Variants in GALR1 observed in about 807,000 individuals in gnomAD.
GALR1 encodes the protein galanin receptor 1, also known as galanin receptor type 1.
Under a neutral mutation model 17.9 loss-of-function variants are expected in GALR1, and 11 were observed. The observed-to-expected ratio is 0.62, with a 90% CI of 0.39 to 1.02. The LOEUF is 1.02. GALR1 is among the 50% of genes least tolerant of loss of function. GALR1 has a pLI of 0.01. For synonymous variants in GALR1, 206 were observed against 205.7 expected (o/e 1.00, Z -0.01); for missense variants, 441 against 456.9 (o/e 0.97, Z 0.32).
chr18:77,258,842 A>G (rs145793008), intron 2 of GALR1, among the ~76,000 whole-genome samples: 90 of 4,122 alleles, frequency 0.022, 4 homozygotes, highest in African/African-American at 0.054. Flanking sequence ...GATGGTGGTG[A>G]TGGTGGTGGT....
chr18:77,258,698 GGTCATGTGAT>G (rs1912677511), intron 2 of GALR1, among the ~76,000 whole-genome samples: 1 of 12,624 alleles, frequency 7.9e-5, no homozygotes, highest in Non-Finnish European at 2.2e-4. Context: ...TGGTGGTGGT[GGTCATGTGAT>G]GGTGGTGCTG....
rs1294599561 is a variant in GALR1, at chr18:77,272,173, C to T, written c.*3271C>T. 11 of 152,178 alleles carry T rather than the reference C, an allele frequency of 7.2e-5. No homozygotes were observed. Among genetic ancestry groups the T allele is most frequent in the Admixed American group, 7.2e-4 (11 of 15,278 alleles). 9.4% of individuals were successfully genotyped at this position (152,178 alleles called of 1,614,324 possible). ...CCACAGATAAATTCATCTTTCAGCGCAGATATAACAAATCAGAGTGGGGAG... is the reference window on the plus strand; with the variant it reads ...CCACAGATAAATTCATCTTTCAGCGTAGATATAACAAATCAGAGTGGGGAG... On this transcript the variant is annotated 3_prime_UTR_variant, in exon 3 of 3. Transcript: ENST00000299727.
rs1326089813 is a variant in GALR1 at position 77,249,958 on chromosome 18, A to G, written c.-591A>G. Among the ~76,000 whole-genome samples, 1 of 152,186 alleles carries G rather than the reference A, an allele frequency of 6.6e-6. No homozygotes were observed. On this transcript the variant is annotated 5_prime_UTR_variant, in exon 1 of 3. Transcript: ENST00000299727. ...TGTGGACGACTCGGAATCCCTGGAA[A>G]AGCCGGGAGGGAGTCGGAGGCGCCA...
At chr18:77,252,836 G>A (rs1912450533) in intron 1 of GALR1, among the ~76,000 whole-genome samples, 1 of 126,140 alleles carries the variant, frequency 7.9e-6, no homozygotes, top group Admixed American at 8.5e-5. Flanking sequence ...TGACAACGGA[G>A]CGAGACTCTG....
intron 2 of GALR1, among the ~76,000 whole-genome samples, chr18:77,256,496 G>A (rs1912593426): frequency 1.1e-5 from 1 of 92,862 alleles, no homozygotes; most frequent in Non-Finnish European, 2.4e-5. Context: ...GCCTCACCAG[G>A]AGGTGAGTGC....
In GALR1 at chr18:77,251,175, C is replaced by T. The variant is rs571015104; in HGVS notation, c.627C>T (p.Tyr209=). Reference sequence around the variant, plus strand: ...TGGTGTGCACCTTCGTCTTCGGCTACCTGCTGCCGCTCCTGCTCATCTGCT... The same window carrying T: ...TGGTGTGCACCTTCGTCTTCGGCTATCTGCTGCCGCTCCTGCTCATCTGCT... ...AYVVCTFVFG[Y]LLPLLLICFC... is the part of the protein sequence containing the mutation. Residue 209 remains tyrosine (Y), a synonymous_variant, in exon 1 of 3, where the codon TAC becomes TAT. Coordinates refer to ENST00000299727, the MANE Select transcript of GALR1 (RefSeq NM_001480.4). 13 of 1,610,224 alleles carry T rather than the reference C, an allele frequency of 8.1e-6. No individual in the cohort carries two copies. Among genetic ancestry groups the T allele is most frequent in the East Asian group, 6.7e-5 (3 of 44,736 alleles).
chr18:77,255,170 G>A (rs896636234), intron 1 of GALR1, among the ~76,000 whole-genome samples: 14 of 152,232 alleles, frequency 9.2e-5, no homozygotes, highest in Non-Finnish European at 1.8e-4. Flanking sequence ...AAAGCACTTA[G>A]TCGCCCTGGG....
chr18:77,251,083 CCG>C lies in GALR1; in HGVS notation c.541_542del (p.Ala181GlnfsTer44), dbSNP rs1568376863. 1.2e-6 allele frequency: 2 copies of C among 1,610,836 alleles called. No individual in the cohort carries two copies. The highest frequency in any genetic ancestry group is 2.7e-5 in the African/African-American group (2 of 75,066). On this transcript the variant is annotated frameshift_variant, in exon 1 of 3. Transcript: ENST00000299727. LOFTEE classifies it high-confidence loss of function. ...PVAYHQGLFH[P>X]RASNQTFCWE... ...GGCCTACCACCAGGGCCTCTTCCAC[CCG>C]CGCGCCAGCAACCAGACCTTCTGCT...
chr18:77,258,626 G>GATGGTGGTGATGGTGGTGGTC (rs1568141294), intron 2 of GALR1, among the ~76,000 whole-genome samples: 5 of 128,626 alleles, frequency 3.9e-5, no homozygotes, highest in Non-Finnish European at 6.7e-5. Flanking sequence ...TGGTGGTGGT[G>GATGGTGGTGATGGTGGTGGTC]ATGGTGGTGA....
intron 2 of GALR1, among the ~76,000 whole-genome samples, chr18:77,260,458 G>A (rs970319448): frequency 3.3e-5 from 5 of 152,286 alleles, no homozygotes; most frequent in Admixed American, 2.6e-4. Context: ...ATCCCATTAT[G>A]AGGGCTCCCC....
At chr18:77,252,929 C>CCACCACCATCACCACCAT (rs1912478073) in intron 1 of GALR1, among the ~76,000 whole-genome samples, 3 of 34,492 alleles carry the variant, frequency 8.7e-5, no homozygotes, top group Non-Finnish European at 2.1e-4. Flanking sequence ...ACCATCACCA[C>CCACCACCATCACCACCAT]CACCACCACC....
At position 77,268,670 on chromosome 18, in the gene GALR1, G is replaced by A; in HGVS notation, c.818G>A (p.Gly273Glu). ...HHIIHLWAEF[G>E]VFPLTPASFL... is the part of the protein sequence containing the mutation. Reference sequence around the variant, plus strand: ...ATCATCCATCTCTGGGCTGAGTTTGGAGTTTTCCCGCTGACGCCGGCTTCC... The same window carrying A: ...ATCATCCATCTCTGGGCTGAGTTTGAAGTTTTCCCGCTGACGCCGGCTTCC... Residue 273 changes from glycine (G) to glutamate (E), a missense_variant, in exon 3 of 3, where the codon GGA becomes GAA. Gly to Glu is a moderately conservative substitution (Grantham distance 98). Transcript: ENST00000299727. 6.2e-7 allele frequency: 1 copy of A among 1,614,088 alleles called. No homozygotes were observed. Among genetic ancestry groups the A allele is most frequent in the Non-Finnish European group, 8.5e-7 (1 of 1,180,008 alleles).
Position 77,273,888 on chromosome 18 carries a change from G to A in GALR1, c.*4986G>A, listed in dbSNP as rs1278623962. The A allele has an allele frequency of 6.6e-6, 1 of 152,064 alleles. No individual in the cohort carries two copies. Among genetic ancestry groups the A allele is most frequent in the Admixed American group, 6.6e-5 (1 of 15,266 alleles). 9.4% of individuals were successfully genotyped at this position (152,064 alleles called of 1,614,324 possible). The stretch of plus-strand genomic sequence containing the variant: ...CAAGTTGTGTAGCTCCAAATTCTCC[G>A]CAATTAGAGAAGGCACAGTAAAGAA... On this transcript the variant is annotated 3_prime_UTR_variant, in exon 3 of 3. Transcript: ENST00000299727.
chr18:77,256,485 C>T (rs920904059), intron 2 of GALR1, among the ~76,000 whole-genome samples: 5 of 114,216 alleles, frequency 4.4e-5, no homozygotes, highest in Non-Finnish European at 7.6e-5. Context: ...GCTGATTGTG[C>T]GCCTCACCAG....
rs1913143328 is a variant in GALR1 at position 77,275,747 on chromosome 18, A to C, written c.*6845A>C. 1 of 152,216 alleles carries C rather than the reference A, an allele frequency of 6.6e-6. No homozygotes were observed. The highest frequency in any genetic ancestry group is 1.5e-5 in the Non-Finnish European group (1 of 68,034). The allele number at this position is 152,216 out of a possible 1,614,324, so 9.4% of individuals were successfully genotyped here. A position where few individuals can be genotyped will look rare whatever the true frequency, so the allele number is the denominator to read the frequency against. ...TCAGGATCACCTAGCTTTGACGATGAGAGTGTTTTTTAAAACGGAAACCAT... is the reference window on the plus strand; with the variant it reads ...TCAGGATCACCTAGCTTTGACGATGCGAGTGTTTTTTAAAACGGAAACCAT... On this transcript the variant is annotated 3_prime_UTR_variant, in exon 3 of 3. Transcript: ENST00000299727.
At position 77,270,520 on chromosome 18, in the gene GALR1, A is replaced by T. The variant is rs1003529450; in HGVS notation, c.*1618A>T. 1 of 122,312 alleles carries T rather than the reference A, an allele frequency of 8.2e-6. No individual in the cohort carries two copies. Among genetic ancestry groups the T allele is most frequent in the African/African-American group, 3.0e-5 (1 of 33,786 alleles). 7.6% of individuals were successfully genotyped at this position (122,312 alleles called of 1,614,324 possible). A position where few individuals can be genotyped will look rare whatever the true frequency, so the allele number is the denominator to read the frequency against. On this transcript the variant is annotated 3_prime_UTR_variant, in exon 3 of 3. Transcript: ENST00000299727. Reference sequence around the variant, plus strand: ...CAGAGTAAGACTCTGTCTAAAATATATATATATATGTGTGTGTGTGTGTGT... The same window carrying T: ...CAGAGTAAGACTCTGTCTAAAATATTTATATATATGTGTGTGTGTGTGTGT...
intron 2 of GALR1, among the ~76,000 whole-genome samples, chr18:77,265,259 C>G (rs1376215383): frequency 1.3e-5 from 2 of 152,202 alleles, no homozygotes; most frequent in Non-Finnish European, 1.5e-5. Context: ...CCATGCAAAT[C>G]TGAAATCCAG....
chr18:77,267,908 G>A (rs147052387), intron 2 of GALR1, among the ~76,000 whole-genome samples: 4 of 152,248 alleles, frequency 2.6e-5, no homozygotes, highest in Admixed American at 2.0e-4. Context: ...CCTAACCAGC[G>A]ATGACTTCCT....
chr18:77,260,537 C>A (rs1304806781), intron 2 of GALR1, among the ~76,000 whole-genome samples: 2 of 152,108 alleles, frequency 1.3e-5, no homozygotes, highest in East Asian at 3.9e-4. Context: ...GATTAGGTTC[C>A]AATTTATGAA....
Sources: gnomAD v4.1 joint callset for allele counts (sites outside exome capture counted in the v4.1 genomes callset) on GRCh38, gnomAD v4.1.1 for gene constraint, MANE v1.5 for transcripts, NCBI Gene and HGNC (gene_info 2026-07-23, HGNC 2026-07-21) for gene names.